The following PLEC variants were observed in gnomAD, a reference collection of about 807,000 sequenced individuals.
The protein encoded by PLEC is hemidesmosomal protein 1.
PLEC carries 216 observed loss-of-function variants against 392.8 expected under a neutral mutation model. That is an observed-to-expected ratio of 0.55 (90% confidence interval 0.49 to 0.62). The LOEUF is 0.62. Among genes scored for constraint, PLEC ranks in the 20% least tolerant of loss-of-function variants. The pLI, the probability that PLEC is intolerant of heterozygous loss-of-function variation, is 0.00. For missense variants in PLEC, 6,863 were observed against 6,563.4 expected (o/e 1.05, Z -1.58); for synonymous variants, 3,621 against 2,980.6 (o/e 1.21, Z -7.00).
chr8:143,952,889 A>T (rs1564214900), upstream of PLEC, among the ~76,000 whole-genome samples: 1 of 150,830 alleles, frequency 6.6e-6, no homozygotes, highest in Non-Finnish European at 1.5e-5. Flanking sequence ...CCCACCAGCC[A>T]GGGGCCTGCA....
intron 1 of PLEC, among the ~76,000 whole-genome samples, chr8:143,965,642 G>A (rs1331130796): frequency 2.6e-5 from 4 of 152,144 alleles, no homozygotes; most frequent in Non-Finnish European, 4.4e-5. Context: ...CTGGCCCCTG[G>A]CCCCTCTGCT....
upstream of PLEC, chr8:143,953,577 T>C (rs1428919771): frequency 1.1e-6 from 1 of 873,424 alleles, no homozygotes; most frequent in Admixed American, 2.0e-5. Flanking sequence ...GGGGGACGAG[T>C]CTGGGGTCTC....
rs782311842 is a variant in PLEC, at chr8:143,930,105, C to T, written c.2612+39G>A. 77 of 1,599,622 alleles carry T rather than the reference C, an allele frequency of 4.8e-5. 2 individuals are homozygous for T. Among genetic ancestry groups the T allele is most frequent in the South Asian group, 4.1e-4 (37 of 90,246 alleles). On this transcript the variant is annotated intron_variant, in intron 21 of 31. Coordinates refer to ENST00000345136, the MANE Select transcript of PLEC (RefSeq NM_201384.3). Reference sequence around the variant, plus strand: ...CAGTCAGCGTCACCAGCGCCCCACCCGCCTTCCAGCCCCCACCTGCTGAGC... The same window carrying T: ...CAGTCAGCGTCACCAGCGCCCCACCTGCCTTCCAGCCCCCACCTGCTGAGC...
chr8:143,924,569 T>A lies in PLEC; in HGVS notation c.5360A>T (p.Gln1787Leu). The A allele has an allele frequency of 6.4e-7, 1 of 1,550,796 alleles. No individual in the cohort carries two copies. The highest frequency in any genetic ancestry group is 1.2e-5 in the South Asian group (1 of 85,568). Residue 1787 changes from glutamine to leucine, a missense_variant, in exon 31 of 32, where the codon CAG (glutamine) becomes CTG (leucine). Coordinates refer to ENST00000345136, the MANE Select transcript of PLEC (RefSeq NM_201384.3). The stretch of plus-strand genomic sequence containing the variant: ...CCGGCCGGCCTCGGCCTCCAGCCTC[T>A]GCTTGGACTTCTCGCTGGTGGAGCG... Reference protein sequence around the residue: ...ESRSTSEKSKQRLEAEAGRFR... With the variant: ...ESRSTSEKSKLRLEAEAGRFR...
chr8:143,924,593 C>T lies in PLEC; in HGVS notation c.5336G>A (p.Arg1779His), dbSNP rs782762319. 15 of 1,548,902 alleles carry T rather than the reference C, an allele frequency of 9.7e-6. No homozygotes were observed. The East Asian group carries it at 1.4e-4, about 15-fold the overall frequency. ...CTGCTTGGACTTCTCGCTGGTGGAG[C>T]GCGACTCCTCCTCAGCCCTCGCCTT... ...ASKARAEEES[R>H]STSEKSKQRL... is the part of the protein sequence containing the mutation. The change falls in exon 31 of 32, where the codon CGC becomes CAC. Residue 1779 changes from arginine (R) to histidine (H), a missense_variant. By Grantham distance (29) the Arg-to-His change is conservative. Coordinates refer to ENST00000345136, the MANE Select transcript of PLEC (RefSeq NM_201384.3).
rs200557943 is a variant in PLEC at position 143,921,385 on chromosome 8, C to T, written c.8436G>A (p.Thr2812=). The T allele has an allele frequency of 2.0e-5, 32 of 1,613,212 alleles. No homozygotes were observed. Among genetic ancestry groups the T allele is most frequent in the African/African-American group, 8.0e-5 (6 of 74,930 alleles). ...GIRLLEAQIA[T]GGVIDPVHSH... ...TGTGCACGGGGTCGATAACGCCGCC[C>T]GTGGCGATCTGGGCCTCCAGCAGGC... Residue 2812 remains threonine (T), a synonymous_variant, in exon 32 of 32, where the codon ACG becomes ACA. Coordinates refer to ENST00000345136, the MANE Select transcript of PLEC (RefSeq NM_201384.3).
intron 1 of PLEC, among the ~76,000 whole-genome samples, chr8:143,970,100 G>A (rs1407403392): frequency 6.6e-6 from 1 of 152,084 alleles, no homozygotes; most frequent in African/African-American, 2.4e-5. Context: ...TGGACTCTGA[G>A]CTTGGTTATC....
In PLEC at chr8:143,917,209, G is replaced by A. The variant is rs782755545; in HGVS notation, c.12612C>T (p.Asp4204=). 73 of 1,612,944 alleles carry A rather than the reference G, an allele frequency of 4.5e-5. 1 individual carries two copies. The South Asian group carries it at 8.0e-4, about 18-fold the overall frequency. The change falls in exon 32 of 32, where the codon GAC becomes GAT. Residue 4204 remains aspartate, a synonymous_variant. Transcript: ENST00000345136. ...IIDRRSGRQY[D]IDDAIAKNLI... ...GGTTCTTGGCGATGGCATCATCGAT[G>A]TCGTACTGGCGCCCGGAGCGGCGGT... is the stretch of plus-strand genomic sequence containing the variant.
Position 143,921,353 on chromosome 8 carries a change from C to T in PLEC, c.8468G>A (p.Arg2823His), listed in dbSNP as rs376887979. 9.6e-5 allele frequency: 155 copies of T among 1,613,640 alleles called. No homozygotes were observed. Among genetic ancestry groups the T allele is most frequent in the Admixed American group, 3.5e-4 (21 of 60,000 alleles). Residue 2823 changes from arginine to histidine, a missense_variant, in exon 32 of 32, where the codon CGC (arginine) becomes CAC (histidine). By Grantham distance (29) the Arg-to-His change is conservative. Transcript: ENST00000345136. The part of the protein sequence containing the change: ...GGVIDPVHSH[R>H]VPVDVAYRRG... ...CCGGTAGGCCACGTCCACGGGCACG[C>T]GGTGGCTGTGCACGGGGTCGATAAC...
At chr8:143,966,832 G>A (rs1167822358) in intron 1 of PLEC, among the ~76,000 whole-genome samples, 5 of 152,250 alleles carry the variant, frequency 3.3e-5, no homozygotes, top group South Asian at 2.1e-4. Context: ...ACAAGCCCAC[G>A]GCCAGACCCT....
At chr8:143,953,322 C>G (rs1406226548), upstream of PLEC, among the ~76,000 whole-genome samples, 1 of 150,860 alleles carries the variant, frequency 6.6e-6, no homozygotes, top group African/African-American at 2.4e-5. Context: ...CCCGGCGCCT[C>G]TGCACAGTGG....
upstream of PLEC, chr8:143,953,882 A>AGGGCTTGCCGGCCAGGGGCG (rs1242307751): frequency 1.3e-4 from 201 of 1,529,272 alleles, 1 homozygote; most frequent in Non-Finnish European, 1.7e-4. Flanking sequence ...GGTCCGGGGC[A>AGGGCTTGCCGGCCAGGGGCG]GGGCTTGCCG....
upstream of PLEC, chr8:143,975,477 C>T: frequency 2.1e-6 from 2 of 960,344 alleles, no homozygotes; most frequent in Non-Finnish European, 3.2e-6. The surrounding 1 kb of genome is among the most constrained non-coding windows in gnomAD (Gnocchi z 9.9). Flanking sequence ...GAACTCTCCC[C>T]ACCCAGCCTC....
chr8:143,919,704 C>CGTA lies in PLEC; in HGVS notation c.10114_10116dup (p.Tyr3372dup). The CGTA allele has an allele frequency of 1.2e-6, 2 of 1,604,458 alleles. No individual in the cohort carries two copies. Among genetic ancestry groups the CGTA allele is most frequent in the Non-Finnish European group, 1.7e-6 (2 of 1,175,874 alleles). On this transcript the variant is annotated inframe_insertion, in exon 32 of 32. Coordinates refer to ENST00000345136, the MANE Select transcript of PLEC (RefSeq NM_201384.3). ...CTCAGCAGGCCCCGGCGCATGGCCT[C>CGTA]GTAGATGGACACCTTCTCCTTGGTG... is the stretch of plus-strand genomic sequence containing the variant.
exon 1 of PLEC, chr8:143,950,727 C>A (rs1554736018): frequency 1.3e-5 from 20 of 1,549,464 alleles, no homozygotes; most frequent in Non-Finnish European, 1.7e-5. Context: ...GCCGGGCAGT[C>A]AGTGCGGGGG....
chr8:143,942,460 G>C, upstream of PLEC: 2 of 1,601,154 alleles, frequency 1.2e-6, no homozygotes, highest in East Asian at 2.2e-5. Context: ...CAGCCAGCAC[G>C]GCCGCTCCAG....
intron 6 of PLEC, 79 bp downstream of exon 6, chr8:143,935,769 C>G (rs1346910617): frequency 6.7e-7 from 1 of 1,501,894 alleles, no homozygotes; most frequent in African/African-American, 1.4e-5. Flanking sequence ...CTCCCTGCCC[C>G]AACGTGTCTG....
rs782155881 is a variant in PLEC at position 143,926,965 on chromosome 8, G to A, written c.3945+12C>T. 3.6e-5 allele frequency: 58 copies of A among 1,610,476 alleles called. No homozygotes were observed. Among genetic ancestry groups the A allele is most frequent in the African/African-American group, 5.3e-5 (4 of 74,892 alleles). On this transcript the variant is annotated intron_variant, in intron 29 of 31. Coordinates refer to ENST00000345136, the MANE Select transcript of PLEC (RefSeq NM_201384.3). ...CCAGCCCCTCACCCAGTTAGGTTCGGCCCCACCCTACCTCCTGGATGACAC... is the reference window on the plus strand; with the variant it reads ...CCAGCCCCTCACCCAGTTAGGTTCGACCCCACCCTACCTCCTGGATGACAC...
chr8:143,952,560 C>A (rs1832297791), upstream of PLEC, among the ~76,000 whole-genome samples: 1 of 152,042 alleles, frequency 6.6e-6, no homozygotes, highest in Non-Finnish European at 1.5e-5. Context: ...TCAGCGCACC[C>A]CCCCACACTG....
Sources: gnomAD v4.1 joint callset for allele counts (sites outside exome capture counted in the v4.1 genomes callset) on GRCh38, gnomAD v4.1.1 for gene constraint, Gnocchi (gnomAD v3.1) non-coding constraint, MANE v1.5 for transcripts, NCBI Gene and HGNC (gene_info 2026-07-23, HGNC 2026-07-21) for gene names.